The following SF1 variants were observed in gnomAD, a reference collection of about 807,000 sequenced individuals.
The protein encoded by SF1 is splicing factor 1.
A neutral mutation model predicts 62.5 loss-of-function variants in SF1; 7 were observed. That is an observed-to-expected ratio of 0.11 (90% CI 0.06 to 0.21). SF1 has a LOEUF of 0.21. SF1 is among the 10% of genes least tolerant of loss of function. SF1 has a pLI of 1.00. For missense variants in SF1, 578 were observed against 884.0 expected, an observed-to-expected ratio of 0.65 and a Z score of 4.39; for synonymous variants, 394 against 323.6, an observed-to-expected ratio of 1.22 and a Z score of -2.33.
chr11:64,767,432 C>T, intron 10 of SF1, 139 bp downstream of exon 10: 1 of 1,088,450 alleles, frequency 9.2e-7, no homozygotes, highest in Non-Finnish European at 1.3e-6. Context: ...TTGCTCCTTC[C>T]AGAGCCACAA....
rs1453012329 is a variant in SF1 at position 64,770,289 on chromosome 11, A to G, written c.356T>C (p.Leu119Pro). 1 of 1,613,672 alleles carries G rather than the reference A, an allele frequency of 6.2e-7. No homozygotes were observed. ...TGCAGGTGGCTTGAAATCCGGATTG[A>G]GTGCAACCATCTCTGTGATGAGGTT... ...RHNLITEMVA[L>P]NPDFKPPADY... Residue 119 changes from leucine (L) to proline (P), a missense_variant, in exon 4 of 13, where the codon CTC becomes CCC. Physicochemically the swap from Leu to Pro is moderately conservative, Grantham distance 98. Transcript: ENST00000377390.
intron 3 of SF1, 55 bp downstream of exon 3, chr11:64,773,375 G>A (rs920507196): frequency 7.5e-6 from 12 of 1,595,290 alleles, no homozygotes; most frequent in South Asian, 2.3e-5. Context: ...CCAGTAAAAC[G>A]TATTGAGAAA....
At chr11:64,774,946 C>T (rs1314524041) in intron 2 of SF1, among the ~76,000 whole-genome samples, 1 of 142,606 alleles carries the variant, frequency 7.0e-6, no homozygotes, top group Non-Finnish European at 1.5e-5. Context: ...GGCGACACAG[C>T]AAGACTCAGT....
chr11:64,768,951 C>T (rs1937828064), intron 8 of SF1, 71 bp downstream of exon 8: 11 of 978,802 alleles, frequency 1.1e-5, no homozygotes, highest in Admixed American at 1.7e-5. Context: ...TAACAGCAAC[C>T]AATGAATGTG....
In SF1 at chr11:64,767,552, T is replaced by C. The variant is rs2058769522; in HGVS notation, c.1342+19A>G. On this transcript the variant is annotated intron_variant, in intron 10 of 12. Coordinates refer to ENST00000377390, the MANE Select transcript of SF1 (RefSeq NM_004630.4). ...CTTATCCCAAAGCCCCCAAGGTTTC[T>C]GGTCTGACACTTACTTACCCATTGG... is the stretch of plus-strand genomic sequence containing the variant. 1.3e-6 allele frequency: 2 copies of C among 1,531,614 alleles called. No individual in the cohort carries two copies. Among genetic ancestry groups the C allele is most frequent in the Non-Finnish European group, 1.8e-6 (2 of 1,142,366 alleles). The allele number at this position is 1,531,614 out of a possible 1,614,324, so 94.9% of individuals were successfully genotyped here. A position where few individuals can be genotyped will look rare whatever the true frequency, so the allele number is the denominator to read the frequency against.
intron 1 of SF1, 116 bp downstream of exon 1, chr11:64,778,246 C>A: frequency 1.7e-6 from 2 of 1,199,414 alleles, no homozygotes; most frequent in Non-Finnish European, 2.1e-6. Context: ...CGGGCGGGGG[C>A]GGCGGCGGCC....
In SF1 at chr11:64,778,467, A is replaced by C. The variant is rs1419820213; in HGVS notation, c.-75T>G. 5 of 1,194,284 alleles carry C rather than the reference A, an allele frequency of 4.2e-6. No homozygotes were observed. The East Asian group carries it at 1.7e-4, about 41-fold the overall frequency. The allele number at this position is 1,194,284 out of a possible 1,614,324, so 74.0% of individuals were successfully genotyped here. On this transcript the variant is annotated 5_prime_UTR_variant, in exon 1 of 13. Transcript: ENST00000377390. ...TCTCCTTCGCAAGCCTCCCGGGGGG[A>C]GGGGACCCGAATGCGCTGCCGGAGC...
At position 64,769,243 on chromosome 11, in the gene SF1, G is replaced by A. The variant is rs752033240; in HGVS notation, c.759C>T (p.Thr253=). The part of the protein sequence containing the change: ...QLRELARLNG[T]LREDDNRILR... ...CATACCTGTTATCGTCTTCCCGAAG[G>A]GTCCCATTTAAGCGAGCCAACTCCC... Residue 253 remains threonine, a synonymous_variant, in exon 7 of 13, where the codon ACC becomes ACT. Transcript: ENST00000377390. The A allele has an allele frequency of 1.9e-6, 3 of 1,614,064 alleles. No individual in the cohort carries two copies. The highest frequency in any genetic ancestry group is 2.5e-6 in the Non-Finnish European group (3 of 1,180,008).
At chr11:64,777,881 C>CA in intron 1 of SF1, 1 of 937,608 alleles carries the variant, frequency 1.1e-6, no homozygotes, top group Non-Finnish European at 1.3e-6. Flanking sequence ...CCCGTGCGCG[C>CA]ACGCGCGCCC....
At position 64,776,574 on chromosome 11, in the gene SF1, T is replaced by C; in HGVS notation, c.84A>G (p.Glu28=). The C allele has an allele frequency of 6.3e-7, 1 of 1,589,228 alleles. No homozygotes were observed. The highest frequency in any genetic ancestry group is 1.2e-5 in the South Asian group (1 of 86,102). The change falls in exon 2 of 13, where the codon GAA becomes GAG. Residue 28 remains glutamate, a synonymous_variant. Coordinates refer to ENST00000377390, the MANE Select transcript of SF1 (RefSeq NM_004630.4). Reference sequence around the variant, plus strand: ...GCATTCCTGGAATCACTGTCTTCTGTTCCATTGTGTCTTGGTTCCAGCGGC... The same window carrying C: ...GCATTCCTGGAATCACTGTCTTCTGCTCCATTGTGTCTTGGTTCCAGCGGC... ...KRSRWNQDTM[E]QKTVIPGMPT...
intron 3 of SF1, chr11:64,773,223 T>C: frequency 7.3e-7 from 1 of 1,373,482 alleles, no homozygotes; most frequent in Non-Finnish European, 9.3e-7. Context: ...TAACTTTTTA[T>C]TCTCCCAACA....
chr11:64,767,832 T>C lies in SF1; in HGVS notation c.1081A>G (p.Thr361Ala), dbSNP rs749936399. 3.1e-6 allele frequency: 5 copies of C among 1,611,560 alleles called. No homozygotes were observed. The highest frequency in any genetic ancestry group is 3.4e-5 in the Admixed American group (2 of 59,214). ...ATCCAGGGTGGGCGGCTCTGGGTGG[T>C]AGACATGAGAGACTACGTGAGAGCA... ...NNPPPPSLMS[T>A]TQSRPPWMNS... Residue 361 changes from threonine to alanine, a missense_variant, in exon 10 of 13, where the codon ACC (threonine) becomes GCC (alanine). Transcript: ENST00000377390.
chr11:64,778,511 C>A lies in SF1; in HGVS notation c.-119G>T, dbSNP rs974573542. The A allele has an allele frequency of 4.2e-6, 5 of 1,180,326 alleles. No homozygotes were observed. The African/African-American group carries it at 8.3e-5, about 20-fold the overall frequency. The allele number at this position is 1,180,326 out of a possible 1,614,324, so 73.1% of individuals were successfully genotyped here. A position where few individuals can be genotyped will look rare whatever the true frequency, so the allele number is the denominator to read the frequency against. On this transcript the variant is annotated 5_prime_UTR_variant, in exon 1 of 13. Transcript: ENST00000377390. ...CCGGAGCGCGCGGAGCCCGTCCTCT[C>A]ACGCGGCGGGCGGCGGCGGCGCGAG...
At chr11:64,773,109 C>T (rs1565575678) in intron 3 of SF1, 3 of 1,169,312 alleles carry the variant, frequency 2.6e-6, no homozygotes, top group Non-Finnish European at 2.1e-6. Flanking sequence ...AAAGCAGGTA[C>T]TGAAAAGGCA....
At chr11:64,767,953 G>A in intron 9 of SF1, 109 bp from the exon 10 acceptor site, 1 of 1,485,026 alleles carries the variant, frequency 6.7e-7, no homozygotes. Context: ...TCTTCCCGAA[G>A]TGAGAAGTCC....
At chr11:64,768,643 A>G (rs1164735710) in intron 8 of SF1, among the ~76,000 whole-genome samples, 1 of 152,274 alleles carries the variant, frequency 6.6e-6, no homozygotes, top group African/African-American at 2.4e-5. Flanking sequence ...CGAACTTCCT[A>G]AACAAAACCT....
Position 64,767,257 on chromosome 11 carries a change from T to A in SF1, c.1343-6A>T, listed in dbSNP as rs1357214456. 6.2e-7 allele frequency: 1 copy of A among 1,613,868 alleles called. No individual in the cohort carries two copies. The highest frequency in any genetic ancestry group is 8.5e-7 in the Non-Finnish European group (1 of 1,179,812). ...CGTACTTCCCAGGTACTGATCTTGA[T>A]GGAAGGAAAGAGCAGGGACTTAGCA... On this transcript the variant is annotated splice_polypyrimidine_tract_variant and splice_region_variant and intron_variant, in intron 10 of 12. Coordinates refer to ENST00000377390, the MANE Select transcript of SF1 (RefSeq NM_004630.4).
rs538128032 is a variant in SF1 at position 64,765,895 on chromosome 11, T to G, written c.1843A>C (p.Met615Leu). ...PPMDPSNFVT[M>L]MGMGVAGMPP... Reference sequence around the variant, plus strand: ...ATGCCCGCCACCCCCATGCCCATCATGGTGACAAAGTTAGAAGGGTCCATG... The same window carrying G: ...ATGCCCGCCACCCCCATGCCCATCAGGGTGACAAAGTTAGAAGGGTCCATG... Residue 615 changes from methionine (M) to leucine (L), a missense_variant, in exon 13 of 13, where the codon ATG becomes CTG. Physicochemically the swap from Met to Leu is conservative, Grantham distance 15. Coordinates refer to ENST00000377390, the MANE Select transcript of SF1 (RefSeq NM_004630.4). 1 of 1,562,712 alleles carries G rather than the reference T, an allele frequency of 6.4e-7. No individual in the cohort carries two copies. The highest frequency in any genetic ancestry group is 1.2e-5 in the South Asian group (1 of 85,354).
At chr11:64,778,173 G>GCGGAGGGGGCGGCGA in intron 1 of SF1, 189 bp downstream of exon 1, 1 of 922,776 alleles carries the variant, frequency 1.1e-6, no homozygotes. Flanking sequence ...GGGGGCGGCG[G>GCGGAGGGGGCGGCGA]CGGAGGCGGC....
Sources: allele counts gnomAD v4.1 joint callset (sites outside exome capture counted in the v4.1 genomes callset), GRCh38; gene constraint gnomAD v4.1.1; transcripts MANE v1.5; gene names NCBI Gene and HGNC (gene_info 2026-07-23, HGNC 2026-07-21).